The following KY variants were observed in gnomAD, a reference collection of about 807,000 sequenced individuals.
KY encodes the protein kyphoscoliosis peptidase.
A neutral mutation model predicts 76.1 loss-of-function variants in KY; 43 were observed. The observed-to-expected ratio is 0.57, with a 90% CI of 0.44 to 0.73. The LOEUF (loss-of-function observed/expected upper bound fraction) is 0.73. Ranked by LOEUF, KY falls within the 30% of genes least tolerant of loss-of-function variation. KY has a pLI of 0.00. For missense variants in KY, 722 were observed against 828.9 expected, an observed-to-expected ratio of 0.87 and a Z score of 1.58; for synonymous variants, 277 against 326.2, an observed-to-expected ratio of 0.85 and a Z score of 1.63.
chr3:134,639,980 A>G (rs1034078663), intron 3 of KY: 2 of 146,240 alleles, frequency 1.4e-5, no homozygotes, highest in African/African-American at 5.7e-5. Flanking sequence ...AAAAAAAAAG[A>G]AAGAATGTTC....
chr3:134,650,405 C>T (rs1421892643), intron 1 of KY, among the ~76,000 whole-genome samples: 2 of 152,196 alleles, frequency 1.3e-5, no homozygotes, highest in Non-Finnish European at 2.9e-5. Flanking sequence ...TCTGACTCAG[C>T]CCAAAGGTTT....
rs1257937617 is a variant in KY, at chr3:134,602,131, G to A, written c.*1448C>T. ...TGCCAGGCAGTGCTGGCTCTCAGGG[G>A]TTGGGGGGCACTGAGACAGCCAGGG... On this transcript the variant is annotated 3_prime_UTR_variant, in exon 11 of 11. Transcript: ENST00000423778. 6.6e-6 allele frequency among the ~76,000 whole-genome samples: 1 copy of A among 152,144 alleles called. No individual in the cohort carries two copies. The highest frequency in any genetic ancestry group is 2.4e-5 in the African/African-American group (1 of 41,416).
At chr3:134,608,059 C>T (rs1418963280) in intron 10 of KY, 1 of 1,073,344 alleles carries the variant, frequency 9.3e-7, no homozygotes, top group Non-Finnish European at 1.1e-6. Flanking sequence ...CCCCAACTCT[C>T]TGTCTTGGGT....
At chr3:134,606,312 G>T (rs1959198951) in intron 10 of KY, among the ~76,000 whole-genome samples, 1 of 152,144 alleles carries the variant, frequency 6.6e-6, no homozygotes, top group South Asian at 2.1e-4. Flanking sequence ...TCACGGCAGA[G>T]CCCTCAAGCT....
chr3:134,650,815 C>A lies in KY; in HGVS notation c.136+10G>T, dbSNP rs368269760. The A allele has an allele frequency of 4.5e-6, 7 of 1,567,728 alleles. No individual in the cohort carries two copies. Among genetic ancestry groups the A allele is most frequent in the East Asian group, 2.4e-5 (1 of 42,480 alleles). ...GGGGGACCCGGGGACCCGGGTCGGG[C>A]GCGCGTTACCTCCTCCGCGCTGCAG... On this transcript the variant is annotated intron_variant, in intron 1 of 10. Coordinates refer to ENST00000423778, the MANE Select transcript of KY (RefSeq NM_178554.6).
At chr3:134,631,707 T>C (rs1376191085) in intron 3 of KY, among the ~76,000 whole-genome samples, 1 of 151,968 alleles carries the variant, frequency 6.6e-6, no homozygotes, top group Non-Finnish European at 1.5e-5. Context: ...AAAATAGCTA[T>C]TATGGAGATA....
At chr3:134,608,081 C>A (rs545304012) in intron 10 of KY, 20 of 1,109,324 alleles carry the variant, frequency 1.8e-5, no homozygotes, top group Non-Finnish European at 2.0e-5. Flanking sequence ...GGACTGCCCC[C>A]ACCTGTCCTG....
chr3:134,616,245 T>C (rs1370267889), intron 8 of KY, among the ~76,000 whole-genome samples: 3 of 152,188 alleles, frequency 2.0e-5, no homozygotes. Context: ...CATCAGTGAC[T>C]TGGGACAGAC....
intron 1 of KY, among the ~76,000 whole-genome samples, chr3:134,649,814 A>G (rs1173838704): frequency 6.6e-6 from 1 of 152,234 alleles, no homozygotes; most frequent in Non-Finnish European, 1.5e-5. Flanking sequence ...TGGAAGGTGG[A>G]TGTTCAATGA....
intron 8 of KY, among the ~76,000 whole-genome samples, chr3:134,617,910 G>A (rs1426639317): frequency 1.3e-5 from 2 of 152,122 alleles, no homozygotes; most frequent in Non-Finnish European, 2.9e-5. Context: ...AGTGATGTTA[G>A]GAACCCAGGA....
intron 8 of KY, among the ~76,000 whole-genome samples, chr3:134,618,882 G>A (rs1346097210): frequency 2.6e-5 from 4 of 152,230 alleles, no homozygotes; most frequent in South Asian, 2.1e-4. Flanking sequence ...GGGAGAAGGC[G>A]GAAAAAGGGC....
At position 134,601,440 on chromosome 3, in the gene KY, G is replaced by T. The variant is rs1958959295; in HGVS notation, c.*2139C>A. Among the ~76,000 whole-genome samples the T allele has an allele frequency of 6.6e-6, 1 of 152,228 alleles. No individual in the cohort carries two copies. The highest frequency in any genetic ancestry group is 6.5e-5 in the Admixed American group (1 of 15,288). On this transcript the variant is annotated 3_prime_UTR_variant, in exon 11 of 11. Transcript: ENST00000423778. The stretch of plus-strand genomic sequence containing the variant: ...AGCAGGACTAAGCGAGGCAGCCAGC[G>T]CGGGGTCCAGTGAGTGACATGCGTC...
chr3:134,607,941 TC>T lies in KY; in HGVS notation c.1090+707del, dbSNP rs1959537162. On this transcript the variant is annotated intron_variant, in intron 10 of 10. Coordinates refer to ENST00000423778, the MANE Select transcript of KY (RefSeq NM_178554.6). The stretch of plus-strand genomic sequence containing the variant: ...GTTTGGAGGCTGGGGGCTTACTGTG[TC>T]CCCGCCTCTCCTCTGCTGCCTAGAA... 3 of 996,278 alleles carry T rather than the reference TC, an allele frequency of 3.0e-6. No individual in the cohort carries two copies. In the South Asian group the frequency reaches 1.3e-4, roughly 45 times the overall value. The allele number at this position is 996,278 out of a possible 1,614,324, so 61.7% of individuals were successfully genotyped here.
At chr3:134,626,322 T>C (rs1229816726) in intron 5 of KY, among the ~76,000 whole-genome samples, 2 of 152,182 alleles carry the variant, frequency 1.3e-5, no homozygotes, top group Non-Finnish European at 2.9e-5. Flanking sequence ...AGAAAGCACC[T>C]GATGGACCTG....
In KY at chr3:134,602,638, C is replaced by A. The variant is rs2107727270; in HGVS notation, c.*941G>T. Among the ~76,000 whole-genome samples the A allele has an allele frequency of 6.6e-6, 1 of 152,306 alleles. No individual in the cohort carries two copies. Among genetic ancestry groups the A allele is most frequent in the Middle Eastern group, 3.4e-3 (1 of 294 alleles). On this transcript the variant is annotated 3_prime_UTR_variant, in exon 11 of 11. Coordinates refer to ENST00000423778, the MANE Select transcript of KY (RefSeq NM_178554.6). Reference sequence around the variant, plus strand: ...TCCTTATTCAGGGCTATCCACAAGACTCCCCAAGGGCCTGGCCAGCCTCTG... The same window carrying A: ...TCCTTATTCAGGGCTATCCACAAGAATCCCCAAGGGCCTGGCCAGCCTCTG...
At chr3:134,610,798 A>C (rs1416251471) in intron 8 of KY, 2 of 158,798 alleles carry the variant, frequency 1.3e-5, no homozygotes, top group East Asian at 1.9e-4. Context: ...CAAAACCTAC[A>C]TGTAAGGGGC....
intron 8 of KY, chr3:134,610,639 C>A: frequency 2.3e-6 from 1 of 441,266 alleles, no homozygotes; most frequent in Non-Finnish European, 4.0e-6. Flanking sequence ...TCCCCTGAGA[C>A]CAACACCATT....
intron 3 of KY, among the ~76,000 whole-genome samples, chr3:134,637,274 C>A (rs988336387): frequency 6.6e-6 from 1 of 152,212 alleles, no homozygotes; most frequent in Non-Finnish European, 1.5e-5. Context: ...CCATCAGCAG[C>A]AAATACTTTC....
chr3:134,622,153 C>T (rs1393810098), intron 6 of KY, among the ~76,000 whole-genome samples: 2 of 152,114 alleles, frequency 1.3e-5, no homozygotes, highest in African/African-American at 2.4e-5. Flanking sequence ...CAAATTTTGA[C>T]AGTTTCTCAG....
Sources: gnomAD v4.1 joint callset for allele counts (sites outside exome capture counted in the v4.1 genomes callset) on GRCh38, gnomAD v4.1.1 for gene constraint, MANE v1.5 for transcripts, NCBI Gene and HGNC (gene_info 2026-07-23, HGNC 2026-07-21) for gene names.